TTC28: variants seen among roughly 807,000 people sequenced by gnomAD.
The protein encoded by TTC28 is tetratricopeptide repeat protein 28.
TTC28 carries 61 observed loss-of-function variants against 198.0 expected under a neutral mutation model. That is an observed-to-expected ratio of 0.31 (90% CI 0.25 to 0.38). TTC28 has a LOEUF of 0.38. Ranked by LOEUF, TTC28 falls within the 10% of genes least tolerant of loss-of-function variation. The pLI is 1.00. For missense variants in TTC28, 2,678 were observed against 3,164.0 expected (o/e 0.85, Z 3.69); for synonymous variants, 1,171 against 1,297.8 (o/e 0.90, Z 2.10).
intron 2 of TTC28, among the ~76,000 whole-genome samples, chr22:28,482,341 A>G (rs1203278157): frequency 6.7e-6 from 1 of 148,970 alleles, no homozygotes; most frequent in East Asian, 2.1e-4. Flanking sequence ...CCTCCCGAGT[A>G]GCTGGGACTG....
At chr22:28,537,209 C>T (rs1034196573) in intron 2 of TTC28, among the ~76,000 whole-genome samples, 7 of 151,270 alleles carry the variant, frequency 4.6e-5, no homozygotes, top group Non-Finnish European at 1.0e-4. Context: ...AGGAGAATGG[C>T]GTGAACCTGG....
At chr22:28,059,208 C>T (rs926069250) in intron 12 of TTC28, among the ~76,000 whole-genome samples, 1 of 151,944 alleles carries the variant, frequency 6.6e-6, no homozygotes, top group Admixed American at 6.6e-5. Flanking sequence ...TGACTTTCTA[C>T]TTTCCTCTTT....
intron 12 of TTC28, among the ~76,000 whole-genome samples, chr22:28,031,184 G>A (rs773312832): frequency 4.6e-5 from 7 of 152,188 alleles, no homozygotes; most frequent in Non-Finnish European, 8.8e-5. Context: ...CGGACAGCCA[G>A]GCCAGGGCAA....
At chr22:28,058,532 C>T (rs1250080597) in intron 12 of TTC28, among the ~76,000 whole-genome samples, 1 of 151,910 alleles carries the variant, frequency 6.6e-6, no homozygotes, top group Non-Finnish European at 1.5e-5. Context: ...TAATGTTTTG[C>T]TAAATATTTT....
At chr22:28,644,801 C>A (rs1416599281) in intron 1 of TTC28, among the ~76,000 whole-genome samples, 1 of 151,982 alleles carries the variant, frequency 6.6e-6, no homozygotes, top group Non-Finnish European at 1.5e-5. Context: ...CCAGCCTGGG[C>A]AACAAAGTGA....
At chr22:28,261,522 T>C (rs746343380) in intron 5 of TTC28, among the ~76,000 whole-genome samples, 1 of 152,152 alleles carries the variant, frequency 6.6e-6, no homozygotes. Context: ...GCTACTCTGA[T>C]AGTTTTGAGC....
chr22:28,410,750 G>A (rs897103629), intron 2 of TTC28, among the ~76,000 whole-genome samples: 1 of 152,192 alleles, frequency 6.6e-6, no homozygotes, highest in Admixed American at 6.5e-5. Flanking sequence ...TTTAAATGAT[G>A]AATTTAGAAT....
intron 6 of TTC28, among the ~76,000 whole-genome samples, chr22:28,160,583 C>A (rs913192687): frequency 2.6e-5 from 4 of 151,940 alleles, no homozygotes; most frequent in African/African-American, 9.7e-5. Context: ...ATGTTACAAT[C>A]CAAGATTTGA....
Position 28,107,366 on chromosome 22 carries a change from G to A in TTC28, c.2479C>T (p.Leu827=). Residue 827 remains leucine, a synonymous_variant, in exon 7 of 23, where the codon CTG becomes TTG. Coordinates refer to ENST00000397906, the MANE Select transcript of TTC28 (RefSeq NM_001145418.2). ...TGGGCTTCCAGACTCGGATCCTTCAGCTTTTGCCCTAGATCCAGTTGCTCT... is the reference window on the plus strand; with the variant it reads ...TGGGCTTCCAGACTCGGATCCTTCAACTTTTGCCCTAGATCCAGTTGCTCT... ...YEEQLDLGQK[L]KDPSLEAQVY... The A allele has an allele frequency of 6.4e-7, 1 of 1,551,870 alleles. No individual in the cohort carries two copies. The highest frequency in any genetic ancestry group is 8.7e-7 in the Non-Finnish European group (1 of 1,147,038).
At chr22:28,662,140 C>G (rs918446576) in intron 1 of TTC28, among the ~76,000 whole-genome samples, 1 of 152,116 alleles carries the variant, frequency 6.6e-6, no homozygotes, top group East Asian at 1.9e-4. Context: ...TGATAATAAA[C>G]TTAATGTCAA....
intron 10 of TTC28, among the ~76,000 whole-genome samples, chr22:28,097,144 T>G (rs1942003791): frequency 6.6e-6 from 1 of 152,298 alleles, no homozygotes; most frequent in South Asian, 2.1e-4. Context: ...GCCTTATGCA[T>G]TTCTCTCCAA....
In TTC28 at chr22:28,174,679, C is replaced by T. The variant is rs115602553; in HGVS notation, c.934-11080G>A. On this transcript the variant is annotated intron_variant, in intron 5 of 22. Transcript: ENST00000397906. ...AGGGAGCTATGATCACGCCACTGCA[C>T]TCCAGCCTGGATGACACAGCGAAAC... Among the ~76,000 whole-genome samples, 547 of 152,290 alleles carry T rather than the reference C, an allele frequency of 3.6e-3. 5 individuals are homozygous for T. Among genetic ancestry groups the T allele is most frequent in the African/African-American group, 0.012 (513 of 41,558 alleles).
chr22:28,159,193 A>C (rs150118062), intron 6 of TTC28, among the ~76,000 whole-genome samples: 2 of 152,340 alleles, frequency 1.3e-5, no homozygotes, highest in African/African-American at 4.8e-5. Flanking sequence ...CAAAACTACA[A>C]TGAGATATCA....
intron 2 of TTC28, among the ~76,000 whole-genome samples, chr22:28,479,196 A>T (rs2048210443): frequency 6.6e-6 from 1 of 152,220 alleles, no homozygotes; most frequent in South Asian, 2.1e-4. Flanking sequence ...CAGAACAACA[A>T]TTAAAAGAGG....
chr22:28,201,821 A>C lies in TTC28; in HGVS notation c.934-38222T>G, dbSNP rs545891408. On this transcript the variant is annotated intron_variant, in intron 5 of 22. Coordinates refer to ENST00000397906, the MANE Select transcript of TTC28 (RefSeq NM_001145418.2). ...GAGATCAGTTAAGAGGCCATTTATG[A>C]GGACTAGGTGAAAGAGAGGAATACA... Among the ~76,000 whole-genome samples, 213 of 151,316 alleles carry C rather than the reference A, an allele frequency of 1.4e-3. 1 individual carries two copies. Among genetic ancestry groups the C allele is most frequent in the African/African-American group, 3.8e-3 (158 of 41,244 alleles).
chr22:28,489,786 A>G (rs975761754), intron 2 of TTC28, among the ~76,000 whole-genome samples: 1 of 152,122 alleles, frequency 6.6e-6, no homozygotes, highest in Non-Finnish European at 1.5e-5. Flanking sequence ...CACAACACAT[A>G]TATTAATTTA....
chr22:28,183,685 C>T (rs1476887080), intron 5 of TTC28, among the ~76,000 whole-genome samples: 2 of 152,192 alleles, frequency 1.3e-5, no homozygotes, highest in South Asian at 4.2e-4. Context: ...GTTTGGCAGC[C>T]ATCCAAGACC....
At chr22:27,992,509 AT>A in intron 19 of TTC28, 77 bp downstream of exon 19, 2 of 1,459,420 alleles carry the variant, frequency 1.4e-6, no homozygotes, top group Non-Finnish European at 1.9e-6. Context: ...ACAGGTTCCT[AT>A]TTAGGGCCAA....
chr22:28,620,743 A>G (rs1310238979), intron 2 of TTC28, among the ~76,000 whole-genome samples: 1 of 152,220 alleles, frequency 6.6e-6, no homozygotes, highest in East Asian at 1.9e-4. Flanking sequence ...CTGACTTTCT[A>G]CCGGGCCAAA....
Sources: gnomAD v4.1 joint callset for allele counts (sites outside exome capture counted in the v4.1 genomes callset) on GRCh38, gnomAD v4.1.1 for gene constraint, MANE v1.5 for transcripts, NCBI Gene and HGNC (gene_info 2026-07-23, HGNC 2026-07-21) for gene names.